The following NPAS3 variants were observed in gnomAD, a reference collection of about 807,000 sequenced individuals.
NPAS3 encodes neuronal PAS domain-containing protein 3.
Under a neutral mutation model 73.1 loss-of-function variants are expected in NPAS3, and 14 were observed. That is an observed-to-expected ratio of 0.19 (90% CI 0.13 to 0.30). The LOEUF is 0.30. Ranked by LOEUF, NPAS3 falls within the 10% of genes least tolerant of loss-of-function variation. NPAS3 has a pLI of 1.00. For synonymous variants in NPAS3, 620 were observed against 541.5 expected, an observed-to-expected ratio of 1.14 and a Z score of -2.01; for missense variants, 1,096 against 1,250.0, an observed-to-expected ratio of 0.88 and a Z score of 1.86.
chr14:33,222,865 G>A (rs1162244767), intron 3 of NPAS3, among the ~76,000 whole-genome samples: 2 of 152,178 alleles, frequency 1.3e-5, no homozygotes, highest in East Asian at 3.9e-4. Flanking sequence ...GAAGAAAAAT[G>A]GAGGGAGAAT....
intron 3 of NPAS3, among the ~76,000 whole-genome samples, chr14:33,304,806 AAATATTTGTTCTAACAAATATTCCAAG>A (rs2042694096): frequency 6.6e-6 from 1 of 152,144 alleles, no homozygotes; most frequent in Non-Finnish European, 1.5e-5. Context: ...CTATTTTTGG[AAATATTTGTTCTAACAAATATTCCAAG>A]GGTTGGTGAA....
Position 33,789,583 on chromosome 14 carries a change from C to CTTTTTTTTTTTTTTTTTTTTTT in NPAS3, c.1154-4312_1154-4291dup, listed in dbSNP as rs10567527. Among the ~76,000 whole-genome samples the CTTTTTTTTTTTTTTTTTTTTTT allele has an allele frequency of 2.3e-4, 21 of 92,414 alleles. 3 individuals are homozygous for CTTTTTTTTTTTTTTTTTTTTTT. Among genetic ancestry groups the CTTTTTTTTTTTTTTTTTTTTTT allele is most frequent in the African/African-American group, 7.4e-4 (17 of 23,086 alleles). The allele number at this position is 92,414 out of a possible 152,430, so 60.6% of individuals were successfully genotyped here. A position where few individuals can be genotyped will look rare whatever the true frequency, so the allele number is the denominator to read the frequency against. ...ACTAAAAGTAATTACTAGAGTACAACTTTTTTTTTTTTTTTTTTTTTTTGA... is the reference window on the plus strand; with the variant it reads ...ACTAAAAGTAATTACTAGAGTACAACTTTTTTTTTTTTTTTTTTTTTTTTTTTTTTTTTTTTTTTTTTTTTGA... On this transcript the variant is annotated intron_variant, in intron 9 of 11. Transcript: ENST00000356141.
intron 6 of NPAS3, among the ~76,000 whole-genome samples, chr14:33,726,325 A>G (rs1318108092): frequency 2.0e-5 from 3 of 152,228 alleles, no homozygotes; most frequent in Non-Finnish European, 2.9e-5. Flanking sequence ...ATGTCAAGTC[A>G]TACACTGAAG....
Position 33,746,199 on chromosome 14 carries a change from A to T in NPAS3, c.852+10867A>T, listed in dbSNP as rs866430773. The stretch of plus-strand genomic sequence containing the variant: ...TATTTATTTATTTATTTATTTATTT[A>T]TTTTTTTGAGATGGAGTCTTTCTCT... On this transcript the variant is annotated intron_variant, in intron 7 of 11. Coordinates refer to ENST00000356141, the Ensembl canonical transcript of NPAS3. 5.8e-3 allele frequency among the ~76,000 whole-genome samples: 859 copies of T among 148,956 alleles called. 8 individuals are homozygous for T. The highest frequency in any genetic ancestry group is 0.016 in the African/African-American group (626 of 39,630).
At chr14:33,631,949 T>G (rs947829110) in intron 5 of NPAS3, among the ~76,000 whole-genome samples, 4 of 152,206 alleles carry the variant, frequency 2.6e-5, no homozygotes, top group Admixed American at 1.3e-4. Context: ...AAGGTCTCTT[T>G]GGGGCACTGA....
intron 2 of NPAS3, among the ~76,000 whole-genome samples, chr14:33,126,224 T>A (rs2043421607): frequency 6.6e-6 from 1 of 152,178 alleles, no homozygotes; most frequent in Non-Finnish European, 1.5e-5. Flanking sequence ...AACCACTACT[T>A]ATCTACTTGC....
At chr14:33,254,350 G>A (rs1266487831) in intron 3 of NPAS3, among the ~76,000 whole-genome samples, 1 of 151,930 alleles carries the variant, frequency 6.6e-6, no homozygotes, top group African/African-American at 2.4e-5. Context: ...TACCTCTTTT[G>A]CACTCTATTG....
At chr14:33,286,020 G>A (rs2041860350) in intron 3 of NPAS3, among the ~76,000 whole-genome samples, 1 of 152,074 alleles carries the variant, frequency 6.6e-6, no homozygotes, top group Non-Finnish European at 1.5e-5. Context: ...GTCTTTGTTA[G>A]TTTGTCTCCC....
At chr14:33,526,804 C>T (rs991356934) in intron 4 of NPAS3, among the ~76,000 whole-genome samples, 4 of 152,162 alleles carry the variant, frequency 2.6e-5, no homozygotes, top group Middle Eastern at 3.4e-3. Context: ...GCAGCCAAAG[C>T]GGCACATCAT....
chr14:33,233,616 A>G (rs2047930970), intron 3 of NPAS3, among the ~76,000 whole-genome samples: 1 of 152,156 alleles, frequency 6.6e-6, no homozygotes, highest in Non-Finnish European at 1.5e-5. Context: ...TACTGAGTTA[A>G]TTATTCTTCT....
At chr14:33,727,366 T>TA (rs2061296398) in intron 6 of NPAS3, among the ~76,000 whole-genome samples, 1 of 152,192 alleles carries the variant, frequency 6.6e-6, no homozygotes, top group Admixed American at 6.6e-5. Flanking sequence ...TGATATGCGC[T>TA]AAACAGCCTG....
intron 5 of NPAS3, among the ~76,000 whole-genome samples, chr14:33,563,748 G>A (rs763893704): frequency 6.6e-6 from 1 of 152,088 alleles, no homozygotes; most frequent in Non-Finnish European, 1.5e-5. Flanking sequence ...TGAATAACTT[G>A]TTATACCTGA....
chr14:33,403,771 G>A (rs1005290818), intron 4 of NPAS3, among the ~76,000 whole-genome samples: 2 of 151,890 alleles, frequency 1.3e-5, no homozygotes, highest in South Asian at 2.1e-4. Context: ...TGTGGCCCAC[G>A]GTAATGGTGG....
chr14:33,740,550 A>T (rs778596054), intron 7 of NPAS3, among the ~76,000 whole-genome samples: 2 of 152,258 alleles, frequency 1.3e-5, no homozygotes, highest in Non-Finnish European at 2.9e-5. Context: ...GCTAGTTGAC[A>T]TCAGTGTCTT....
At chr14:33,676,469 T>A in intron 6 of NPAS3, 84 bp downstream of exon 6, 1 of 1,152,492 alleles carries the variant, frequency 8.7e-7, no homozygotes. Flanking sequence ...GTGAAGAGAC[T>A]ATAAATAGGT....
intron 3 of NPAS3, among the ~76,000 whole-genome samples, chr14:33,301,019 C>G (rs2042508670): frequency 6.6e-6 from 1 of 152,006 alleles, no homozygotes; most frequent in African/African-American, 2.4e-5. Flanking sequence ...GATATTTTCT[C>G]TTGCCCAAGA....
At chr14:33,254,548 C>A (rs936463096) in intron 3 of NPAS3, among the ~76,000 whole-genome samples, 4 of 152,130 alleles carry the variant, frequency 2.6e-5, no homozygotes, top group African/African-American at 4.8e-5. Context: ...ATCCTCAAAG[C>A]CTACGGTAGT....
intron 3 of NPAS3, among the ~76,000 whole-genome samples, chr14:33,293,168 T>C (rs1365591471): frequency 6.6e-6 from 1 of 152,212 alleles, no homozygotes; most frequent in Non-Finnish European, 1.5e-5. Context: ...GCTGGCTGCA[T>C]TCTTTGCTTA....
chr14:33,202,654 G>T (rs958984142), intron 2 of NPAS3, among the ~76,000 whole-genome samples: 5 of 151,178 alleles, frequency 3.3e-5, no homozygotes, highest in Admixed American at 1.3e-4. Flanking sequence ...CCTAACTACT[G>T]AGATAAATAT....
Sources: gnomAD v4.1 joint callset for allele counts (sites outside exome capture counted in the v4.1 genomes callset) on GRCh38, gnomAD v4.1.1 for gene constraint, MANE v1.5 for transcripts, NCBI Gene and HGNC (gene_info 2026-07-23, HGNC 2026-07-21) for gene names.